The following CCDC192 variants were observed in gnomAD, a reference collection of about 807,000 sequenced individuals.
The protein encoded by CCDC192 is coiled-coil domain containing 192.
intron 5 of CCDC192, among the ~76,000 whole-genome samples, chr5:127,826,246 G>T (rs1289822858): frequency 6.6e-6 from 1 of 152,074 alleles, no homozygotes; most frequent in Admixed American, 6.6e-5. Flanking sequence ...CATCTCACAC[G>T]AGTCAGGATG....
At chr5:127,857,585 GA>G (rs879840839) in intron 5 of CCDC192, 1 of 152,158 alleles carries the variant, frequency 6.6e-6, no homozygotes, top group African/African-American at 2.4e-5. Flanking sequence ...GAGAGAGAGA[GA>G]AAGATTTATG....
intron 2 of CCDC192, among the ~76,000 whole-genome samples, chr5:127,724,002 GTT>G: frequency 6.6e-6 from 1 of 152,148 alleles, no homozygotes; most frequent in Non-Finnish European, 1.5e-5. Context: ...GAAATGGAGG[GTT>G]TTTCTAAGTT....
At chr5:127,842,404 G>C (rs953642944) in intron 5 of CCDC192, among the ~76,000 whole-genome samples, 8 of 152,152 alleles carry the variant, frequency 5.3e-5, no homozygotes, top group African/African-American at 1.4e-4. Context: ...TGTTTGTAAA[G>C]ATGTGGTCTT....
intron 5 of CCDC192, among the ~76,000 whole-genome samples, chr5:127,856,873 T>C (rs1198095854): frequency 6.6e-6 from 1 of 152,108 alleles, no homozygotes; most frequent in Non-Finnish European, 1.5e-5. Flanking sequence ...AATAGTAATA[T>C]CAAAGATCAC....
intron 3 of CCDC192, among the ~76,000 whole-genome samples, chr5:127,763,299 C>T (rs942902710): frequency 2.0e-5 from 3 of 152,164 alleles, no homozygotes; most frequent in Non-Finnish European, 4.4e-5. Flanking sequence ...ATCAGTGCCA[C>T]CAGCCACACT....
intron 3 of CCDC192, among the ~76,000 whole-genome samples, chr5:127,781,619 C>A (rs986880017): frequency 2.2e-5 from 3 of 138,240 alleles, no homozygotes; most frequent in African/African-American, 8.1e-5. Flanking sequence ...GGGTTGAGTT[C>A]GTGATTTGAT....
chr5:127,756,554 C>T (rs899100149), intron 3 of CCDC192, among the ~76,000 whole-genome samples: 1 of 152,178 alleles, frequency 6.6e-6, no homozygotes, highest in African/African-American at 2.4e-5. Context: ...CCATCGAGTG[C>T]AGGATCTGCA....
rs1033903962 is a variant in CCDC192, at chr5:127,707,719, G to A, written c.73G>A (p.Gly25Arg). Residue 25 changes from glycine (G) to arginine (R), a missense_variant, in exon 2 of 7, where the codon GGA becomes AGA. Coordinates refer to ENST00000514853, the MANE Select transcript of CCDC192 (RefSeq NM_001317938.2). ...TTTACTTTTTTTCAGCATGACGTCTGGAAGTTCAGAGTCAGATATACCACA... is the reference window on the plus strand; with the variant it reads ...TTTACTTTTTTTCAGCATGACGTCTAGAAGTTCAGAGTCAGATATACCACA... ...DTSERSSMTSGSSESDIPQEN... is the reference protein window; with the variant it reads ...DTSERSSMTSRSSESDIPQEN... 6 of 398,342 alleles carry A rather than the reference G, an allele frequency of 1.5e-5. No homozygotes were observed. Among genetic ancestry groups the A allele is most frequent in the Middle Eastern group, 6.3e-4 (1 of 1,584 alleles). 24.7% of individuals were successfully genotyped at this position (398,342 alleles called of 1,614,324 possible).
At chr5:127,897,796 T>C (rs1229002637) in intron 6 of CCDC192, among the ~76,000 whole-genome samples, 1 of 152,210 alleles carries the variant, frequency 6.6e-6, no homozygotes, top group Non-Finnish European at 1.5e-5. Context: ...TGTGAAAATA[T>C]TTAAGAATGT....
At chr5:127,709,202 G>GGGGGA (rs1247306394) in intron 2 of CCDC192, among the ~76,000 whole-genome samples, 2 of 85,764 alleles carry the variant, frequency 2.3e-5, no homozygotes, top group East Asian at 5.6e-4. Flanking sequence ...GGAGAGAGGG[G>GGGGGA]GAGAGAGAGA....
At chr5:127,776,216 T>C (rs1019458700) in intron 3 of CCDC192, among the ~76,000 whole-genome samples, 1 of 152,204 alleles carries the variant, frequency 6.6e-6, no homozygotes, top group African/African-American at 2.4e-5. Context: ...AACAATTATA[T>C]CTAGGCTGAG....
intron 5 of CCDC192, among the ~76,000 whole-genome samples, chr5:127,864,205 T>C (rs1337004965): frequency 3.9e-5 from 6 of 152,210 alleles, no homozygotes; most frequent in Non-Finnish European, 8.8e-5. Context: ...ACTCACCATT[T>C]ATCTACATTG....
intron 5 of CCDC192, among the ~76,000 whole-genome samples, chr5:127,845,213 C>T (rs1404552304): frequency 1.3e-5 from 2 of 152,148 alleles, no homozygotes; most frequent in African/African-American, 4.8e-5. Context: ...CCATGTCAGT[C>T]ATGGAGACTG....
chr5:127,793,919 G>A (rs1757020798), intron 3 of CCDC192, among the ~76,000 whole-genome samples: 1 of 152,188 alleles, frequency 6.6e-6, no homozygotes. Context: ...CTAAGTGCAA[G>A]TTGTAAGGTA....
intron 6 of CCDC192, among the ~76,000 whole-genome samples, chr5:127,916,867 T>C (rs1432063228): frequency 6.6e-6 from 1 of 152,346 alleles, no homozygotes; most frequent in East Asian, 1.9e-4. Context: ...TGTCTTTAAC[T>C]TAATGTTATC....
intron 5 of CCDC192, among the ~76,000 whole-genome samples, chr5:127,808,594 T>G (rs1217075994): frequency 6.6e-6 from 1 of 152,134 alleles, no homozygotes; most frequent in Non-Finnish European, 1.5e-5. Context: ...CACTAAGAAT[T>G]CCTCTAGGTT....
intron 5 of CCDC192, among the ~76,000 whole-genome samples, chr5:127,851,166 A>C (rs1019032905): frequency 3.3e-5 from 5 of 152,006 alleles, no homozygotes; most frequent in African/African-American, 1.2e-4. Context: ...TCATTCTCCA[A>C]ATTTCTCAGC....
intron 5 of CCDC192, among the ~76,000 whole-genome samples, chr5:127,836,249 G>A (rs245200): frequency 0.32 from 48,455 of 152,048 alleles, 7,759 homozygotes; most frequent in South Asian, 0.45. Flanking sequence ...TCACATCCAC[G>A]CCACACTGAT....
intron 3 of CCDC192, among the ~76,000 whole-genome samples, chr5:127,779,057 A>G (rs114609980): frequency 0.014 from 2,131 of 152,206 alleles, 22 homozygotes; most frequent in African/African-American, 0.03. Flanking sequence ...GATTATTTCA[A>G]GGAACCAATA....
Sources: gnomAD v4.1 joint callset for allele counts (sites outside exome capture counted in the v4.1 genomes callset) on GRCh38, gnomAD v4.1.1 for gene constraint, MANE v1.5 for transcripts, NCBI Gene and HGNC (gene_info 2026-07-23, HGNC 2026-07-21) for gene names.